FAT3: variants seen among roughly 807,000 people sequenced by gnomAD.
FAT3 encodes protocadherin Fat 3.
In FAT3, 95 loss-of-function variants were observed where a neutral mutation model predicts 310.2. The observed-to-expected ratio is 0.31, with a 90% confidence interval of 0.26 to 0.36. The LOEUF (loss-of-function observed/expected upper bound fraction) is 0.36. Ranked by LOEUF, FAT3 falls within the 10% of genes least tolerant of loss-of-function variation. FAT3 has a pLI of 1.00. For missense variants in FAT3, 5,408 were observed against 5,715.6 expected (o/e 0.95, Z 1.74); for synonymous variants, 2,314 against 2,192.9 (o/e 1.06, Z -1.54).
chr11:92,792,043 T>G, intron 8 of FAT3, among the ~76,000 whole-genome samples: 1 of 152,194 alleles, frequency 6.6e-6, no homozygotes, highest in East Asian at 1.9e-4. Context: ...ATATATTGGC[T>G]TTTTTGCCTG....
At chr11:92,249,478 T>C (rs936381572) in intron 1 of FAT3, among the ~76,000 whole-genome samples, 6 of 152,142 alleles carry the variant, frequency 3.9e-5, no homozygotes, top group Non-Finnish European at 8.8e-5. Context: ...AAGCATTCTG[T>C]CACACCTGCC....
At chr11:92,350,354 AT>A (rs753277127) in intron 1 of FAT3, among the ~76,000 whole-genome samples, 3,104 of 97,554 alleles carry the variant, frequency 0.032, 95 homozygotes, top group African/African-American at 0.12. Context: ...TCCTGTAGGG[AT>A]TTTTTTTTTT....
intron 4 of FAT3, among the ~76,000 whole-genome samples, chr11:92,729,595 T>G (rs1945110856): frequency 1.3e-5 from 2 of 151,894 alleles, no homozygotes; most frequent in African/African-American, 4.8e-5. Context: ...CCTGGCTAAT[T>G]TTTTGTATTT....
chr11:92,350,786 C>T (rs1948543899), intron 1 of FAT3, among the ~76,000 whole-genome samples: 1 of 152,158 alleles, frequency 6.6e-6, no homozygotes. Context: ...ATGACTGACA[C>T]AGTGCCTACA....
intron 2 of FAT3, among the ~76,000 whole-genome samples, chr11:92,466,016 C>T (rs1565338154): frequency 1.3e-5 from 2 of 152,088 alleles, no homozygotes; most frequent in Admixed American, 1.3e-4. Flanking sequence ...CTTTCATGTA[C>T]ATCACCTGAT....
intron 3 of FAT3, among the ~76,000 whole-genome samples, chr11:92,656,448 A>G (rs2135779140): frequency 6.6e-6 from 1 of 152,270 alleles, no homozygotes; most frequent in Non-Finnish European, 1.5e-5. Context: ...TCAAAAACAA[A>G]TATGTAGGAA....
At chr11:92,790,292 G>A in intron 8 of FAT3, 74 bp downstream of exon 8, 12 of 1,440,842 alleles carry the variant, frequency 8.3e-6, no homozygotes, top group Non-Finnish European at 1.1e-5. Context: ...GCCTTCAGAA[G>A]TATAGGGCCC....
intron 2 of FAT3, among the ~76,000 whole-genome samples, chr11:92,383,378 A>G (rs1479530235): frequency 6.6e-6 from 1 of 152,222 alleles, no homozygotes; most frequent in Non-Finnish European, 1.5e-5. Context: ...TGGGTCAGGC[A>G]CCAGCATTCC....
At chr11:92,618,047 C>T (rs1175019199) in intron 3 of FAT3, among the ~76,000 whole-genome samples, 3 of 152,206 alleles carry the variant, frequency 2.0e-5, no homozygotes, top group Non-Finnish European at 4.4e-5. Flanking sequence ...GAAGTTTCTG[C>T]TGCCTTTTGT....
intron 2 of FAT3, among the ~76,000 whole-genome samples, chr11:92,508,235 T>C (rs1953179250): frequency 6.6e-6 from 1 of 152,164 alleles, no homozygotes; most frequent in African/African-American, 2.4e-5. Flanking sequence ...CTGTGTCATA[T>C]GTGCAGTTAT....
chr11:92,851,711 G>A (rs542802292), intron 19 of FAT3, among the ~76,000 whole-genome samples: 3 of 152,236 alleles, frequency 2.0e-5, no homozygotes, highest in African/African-American at 7.2e-5. Flanking sequence ...CCAAATTGAT[G>A]GATGTCGAAG....
intron 2 of FAT3, among the ~76,000 whole-genome samples, chr11:92,410,640 G>A (rs72970596): frequency 3.8e-4 from 58 of 152,004 alleles, no homozygotes; most frequent in Non-Finnish European, 5.7e-4. Flanking sequence ...TAGCTAACAA[G>A]TAAGCTTAGT....
rs147593570 is a variant in FAT3, at chr11:92,534,782, A to G, written c.3607+9834A>G. 9.8e-5 allele frequency among the ~76,000 whole-genome samples: 15 copies of G among 152,334 alleles called. No homozygotes were observed. In the East Asian group the frequency reaches 2.7e-3, roughly 27 times the overall value. On this transcript the variant is annotated intron_variant, in intron 3 of 27. Transcript: ENST00000525166. ...ATTCATGCCTGAAGTACCTGTAACAAAAGGCAGGCTAACAAGAGAAAAACA... is the reference window on the plus strand; with the variant it reads ...ATTCATGCCTGAAGTACCTGTAACAGAAGGCAGGCTAACAAGAGAAAAACA...
intron 3 of FAT3, among the ~76,000 whole-genome samples, chr11:92,615,447 A>G (rs1210410038): frequency 6.6e-6 from 1 of 152,010 alleles, no homozygotes; most frequent in Non-Finnish European, 1.5e-5. Flanking sequence ...GGGTTTCACC[A>G]TGTTGGCCAG....
chr11:92,674,861 C>G (rs879610445), intron 3 of FAT3, among the ~76,000 whole-genome samples: 31 of 152,102 alleles, frequency 2.0e-4, no homozygotes, highest in Non-Finnish European at 3.8e-4. Context: ...ATAAAATGAT[C>G]TAGAAAAAAA....
At chr11:92,613,124 C>T (rs1375805733) in intron 3 of FAT3, among the ~76,000 whole-genome samples, 1 of 152,164 alleles carries the variant, frequency 6.6e-6, no homozygotes, top group Non-Finnish European at 1.5e-5. Context: ...AGATCATGTT[C>T]AAGTATTCAA....
chr11:92,702,740 C>T (rs1944140254), intron 4 of FAT3, among the ~76,000 whole-genome samples: 1 of 152,162 alleles, frequency 6.6e-6, no homozygotes, highest in Non-Finnish European at 1.5e-5. Flanking sequence ...GAATCTTTAT[C>T]TTGCTTGCTG....
At chr11:92,525,208 G>A (rs1953817493) in intron 3 of FAT3, among the ~76,000 whole-genome samples, 1 of 152,140 alleles carries the variant, frequency 6.6e-6, no homozygotes. Context: ...ATAATAAAAT[G>A]TGGTTCCCAG....
intron 2 of FAT3, among the ~76,000 whole-genome samples, chr11:92,425,022 C>A (rs1475456857): frequency 6.6e-6 from 1 of 151,882 alleles, no homozygotes; most frequent in African/African-American, 2.4e-5. Flanking sequence ...CAATAATCAC[C>A]CTTTATAAAT....
Sources: allele counts gnomAD v4.1 joint callset (sites outside exome capture counted in the v4.1 genomes callset), GRCh38; gene constraint gnomAD v4.1.1; transcripts MANE v1.5; gene names NCBI Gene and HGNC (gene_info 2026-07-23, HGNC 2026-07-21).